CWH43: variants seen among roughly 807,000 people sequenced by gnomAD.
The protein encoded by CWH43 is PGAP2-interacting protein.
CWH43 carries 91 observed loss-of-function variants against 85.7 expected under a neutral mutation model. That is an observed-to-expected ratio of 1.06 (90% CI 0.90 to 1.26). CWH43 has a LOEUF of 1.26. CWH43 is among the 50% of genes most tolerant of loss of function. The probability of loss-of-function intolerance (pLI) is 0.00; values close to 1 mark genes in which losing one functional copy is unlikely to be tolerated. For missense variants in CWH43, 869 were observed against 839.2 expected (o/e 1.04, Z -0.44); for synonymous variants, 323 against 293.6 (o/e 1.10, Z -1.02).
intron 11 of CWH43, among the ~76,000 whole-genome samples, chr4:49,031,714 T>C (rs1439057644): frequency 6.6e-6 from 1 of 151,970 alleles, no homozygotes; most frequent in Non-Finnish European, 1.5e-5. Flanking sequence ...GAGATGACAA[T>C]GGGAACAGTG....
chr4:49,030,485 A>G (rs909727338), intron 10 of CWH43, among the ~76,000 whole-genome samples: 4 of 152,178 alleles, frequency 2.6e-5, no homozygotes, highest in African/African-American at 7.2e-5. Context: ...ATAAAATGCT[A>G]TGGTGCACCA....
At chr4:49,060,898 G>A (rs879629151) in intron 15 of CWH43, among the ~76,000 whole-genome samples, 13 of 152,152 alleles carry the variant, frequency 8.5e-5, no homozygotes, top group South Asian at 4.2e-4. Flanking sequence ...ATGTATGTGC[G>A]TATATCTGTG....
At chr4:49,020,695 T>A (rs1413680981) in intron 9 of CWH43, among the ~76,000 whole-genome samples, 2 of 152,192 alleles carry the variant, frequency 1.3e-5, no homozygotes, top group African/African-American at 4.8e-5. Context: ...AGTGTTCCTT[T>A]TCACTACATC....
At chr4:49,002,058 G>A (rs1283485791) in intron 6 of CWH43, among the ~76,000 whole-genome samples, 1 of 152,102 alleles carries the variant, frequency 6.6e-6, no homozygotes, top group African/African-American at 2.4e-5. Flanking sequence ...GTTTTCTGCA[G>A]GAAGCAAAGA....
At chr4:49,048,585 G>T (rs1274454923) in intron 14 of CWH43, among the ~76,000 whole-genome samples, 2 of 151,894 alleles carry the variant, frequency 1.3e-5, no homozygotes, top group Non-Finnish European at 2.9e-5. Flanking sequence ...GTCCCCTTGG[G>T]TTGCCGATAA....
At chr4:49,006,906 G>A (rs1373988931) in intron 7 of CWH43, among the ~76,000 whole-genome samples, 1 of 152,184 alleles carries the variant, frequency 6.6e-6, no homozygotes, top group African/African-American at 2.4e-5. Flanking sequence ...TCAACAGTCA[G>A]TCATGAACAC....
intron 12 of CWH43, among the ~76,000 whole-genome samples, chr4:49,037,695 C>G (rs546199573): frequency 6.6e-6 from 1 of 152,186 alleles, no homozygotes; most frequent in Non-Finnish European, 1.5e-5. Flanking sequence ...ACTACTAATT[C>G]TTTAGCTGTA....
intron 15 of CWH43, among the ~76,000 whole-genome samples, chr4:49,056,943 A>G (rs1268934782): frequency 3.9e-5 from 6 of 152,140 alleles, no homozygotes; most frequent in Admixed American, 3.3e-4. Flanking sequence ...TAATTTCTAC[A>G]TATTTGTGAA....
rs191435722 is a variant in CWH43 at position 48,992,117 on chromosome 4, C to G, written c.511+27C>G. On this transcript the variant is annotated intron_variant, in intron 4 of 15. Transcript: ENST00000226432. The surrounding 1 kb of genome is among the most constrained non-coding windows in gnomAD (Gnocchi z 4.3). ...TAATACTGTAACTTAGGAATTTTCT[C>G]TTTGCAGAGCTTACCTTTCCTATGT... The G allele has an allele frequency of 1.6e-3, 2,593 of 1,584,772 alleles. 46 individuals carry two copies. The highest frequency in any genetic ancestry group is 0.016 in the Middle Eastern group (94 of 5,972).
chr4:49,006,538 C>T (rs1172131477), intron 7 of CWH43, among the ~76,000 whole-genome samples: 1 of 152,182 alleles, frequency 6.6e-6, no homozygotes, highest in Non-Finnish European at 1.5e-5. Context: ...CTGACTTTTA[C>T]TTGACATTTC....
At chr4:49,016,612 C>A in intron 8 of CWH43, 1 of 740,480 alleles carries the variant, frequency 1.4e-6, no homozygotes, top group Non-Finnish European at 2.5e-6. Context: ...TTGGATGAGG[C>A]CACAAAAGAG....
intron 14 of CWH43, among the ~76,000 whole-genome samples, chr4:49,050,195 C>G (rs1015386501): frequency 6.6e-6 from 1 of 152,166 alleles, no homozygotes; most frequent in African/African-American, 2.4e-5. Context: ...TGCATAATGT[C>G]TACAAAGTGC....
intron 9 of CWH43, among the ~76,000 whole-genome samples, chr4:49,027,340 G>C (rs1446224055): frequency 6.6e-6 from 1 of 152,196 alleles, no homozygotes; most frequent in Non-Finnish European, 1.5e-5. Flanking sequence ...TGAGCAACTG[G>C]ATGAAGGGAG....
intron 8 of CWH43, among the ~76,000 whole-genome samples, chr4:49,012,121 A>G (rs1053586781): frequency 6.6e-6 from 1 of 152,136 alleles, no homozygotes; most frequent in Admixed American, 6.5e-5. Flanking sequence ...AATCAAACCT[A>G]GATTTGGTCT....
chr4:49,018,685 A>G (rs184631518), intron 9 of CWH43, among the ~76,000 whole-genome samples: 56 of 152,334 alleles, frequency 3.7e-4, no homozygotes, highest in African/African-American at 1.3e-3. Flanking sequence ...GTGTTTCATA[A>G]TGCAGTCAGA....
At chr4:48,998,380 G>A in intron 5 of CWH43, 80 bp from the exon 6 acceptor site, 1 of 1,079,952 alleles carries the variant, frequency 9.3e-7, no homozygotes, top group South Asian at 1.3e-5. Context: ...CCCAGAGGTG[G>A]GAGGTATATT....
chr4:49,023,797 G>A (rs1451733270), intron 9 of CWH43, among the ~76,000 whole-genome samples: 1 of 152,232 alleles, frequency 6.6e-6, no homozygotes, highest in Admixed American at 6.5e-5. Flanking sequence ...AATGGTGCAT[G>A]TGCTGATGAA....
chr4:49,007,836 G>T (rs1783213011), intron 8 of CWH43, among the ~76,000 whole-genome samples: 1 of 152,184 alleles, frequency 6.6e-6, no homozygotes, highest in Admixed American at 6.5e-5. Flanking sequence ...ATTCCATGGT[G>T]TATATGTGCC....
rs1409371208 is a variant in CWH43, at chr4:48,988,663, C to T, written c.230C>T (p.Thr77Ile). Residue 77 changes from threonine to isoleucine, a missense_variant, in exon 2 of 16, where the codon ACT (threonine) becomes ATT (isoleucine). Physicochemically the swap from Thr to Ile is moderately conservative, Grantham distance 89 (BLOSUM62 -1). Around this residue, in one of 3 missense-constraint regions of CWH43, gnomAD observed 140 missense variants for 122.6 expected, o/e 1.14. Coordinates refer to ENST00000226432, the MANE Select transcript of CWH43 (RefSeq NM_025087.3). ...ATGCTAACCCTGCTGAGGATAATCA[C>T]TATTGGTAAGATTTAAAAGAGTTTC... is the stretch of plus-strand genomic sequence containing the variant. ...KWMLTLLRII[T>I]IGSIASFQAP... 1 of 1,588,610 alleles carries T rather than the reference C, an allele frequency of 6.3e-7. No homozygotes were observed. The highest frequency in any genetic ancestry group is 8.6e-7 in the Non-Finnish European group (1 of 1,168,970).
Sources: allele counts gnomAD v4.1 joint callset (sites outside exome capture counted in the v4.1 genomes callset), GRCh38; gene constraint gnomAD v4.1.1; regional missense constraint gnomAD v4.1.1; non-coding constraint Gnocchi (gnomAD v3.1); transcripts MANE v1.5; gene names NCBI Gene and HGNC (gene_info 2026-07-23, HGNC 2026-07-21).